SLCO1A2: variants seen among roughly 807,000 people sequenced by gnomAD.
SLCO1A2 encodes OATP-1.
A neutral mutation model predicts 69.0 loss-of-function variants in SLCO1A2; 67 were observed. The observed-to-expected ratio is 0.97, with a 90% CI of 0.80 to 1.19. The LOEUF (loss-of-function observed/expected upper bound fraction) is 1.19, where lower values mean the gene tolerates loss of function less well. Among genes scored for constraint, SLCO1A2 ranks in the 50% most tolerant of loss-of-function variants. The pLI is 0.00. For missense variants in SLCO1A2, 787 were observed against 793.7 expected, an observed-to-expected ratio of 0.99 and a Z score of 0.10; for synonymous variants, 260 against 265.9, an observed-to-expected ratio of 0.98 and a Z score of 0.22.
intron 12 of SLCO1A2, among the ~76,000 whole-genome samples, chr12:21,286,995 C>A (rs11045935): frequency 0.12 from 16,585 of 143,484 alleles, 984 homozygotes; most frequent in Middle Eastern, 0.16. Flanking sequence ...GCAACAAAAG[C>A]CAAAATTGAC....
intron 1 of SLCO1A2, chr12:21,378,199 T>C: frequency 1.3e-6 from 2 of 1,593,162 alleles, no homozygotes; most frequent in Non-Finnish European, 1.7e-6. Context: ...GCTAAAATTC[T>C]AAGGCTCTAA....
In SLCO1A2 at chr12:21,373,581, C is replaced by T. The variant is rs1939960136; in HGVS notation, c.-63+818G>A. The stretch of plus-strand genomic sequence containing the variant: ...CAGCTATTCCATTGTTCCTTGAATT[C>T]TGTGTTCTTTAAAGAATAACACCAG... On this transcript the variant is annotated intron_variant, in intron 2 of 15. Coordinates refer to the SLCO1A2 transcript ENST00000307378. The T allele has an allele frequency of 4.2e-6, 3 of 708,776 alleles. No homozygotes were observed. In the East Asian group the frequency reaches 8.0e-5, roughly 19 times the overall value. The allele number at this position is 708,776 out of a possible 1,614,324, so 43.9% of individuals were successfully genotyped here.
intron 12 of SLCO1A2, among the ~76,000 whole-genome samples, chr12:21,285,045 TC>T (rs1192894999): frequency 4.6e-5 from 6 of 130,574 alleles, no homozygotes; most frequent in Non-Finnish European, 8.0e-5. Context: ...AAAAAACCCT[TC>T]AAAAAATTAA....
intron 1 of SLCO1A2, among the ~76,000 whole-genome samples, chr12:21,413,334 T>C (rs890009196): frequency 7.0e-6 from 1 of 142,302 alleles, no homozygotes; most frequent in Non-Finnish European, 1.5e-5. Flanking sequence ...CACCTCCTCC[T>C]GGGTTCAAGT....
chr12:21,377,888 T>C (rs1244760260), intron 1 of SLCO1A2, among the ~76,000 whole-genome samples: 3 of 152,154 alleles, frequency 2.0e-5, no homozygotes, highest in African/African-American at 7.2e-5. Context: ...TTTTACCTTC[T>C]AAATTCTTTT....
At chr12:21,292,143 A>AT in intron 12 of SLCO1A2, 21 bp downstream of exon 12, 1 of 1,502,904 alleles carries the variant, frequency 6.7e-7, no homozygotes, top group Non-Finnish European at 8.9e-7. Context: ...AAAAATATAA[A>AT]TAAAGAAAAT....
chr12:21,302,849 A>C (rs1486941693), intron 6 of SLCO1A2, among the ~76,000 whole-genome samples: 1 of 151,570 alleles, frequency 6.6e-6, no homozygotes, highest in African/African-American at 2.4e-5. Flanking sequence ...ATACCACCAC[A>C]CTCGGCTAAT....
chr12:21,270,147 T>G (rs12231738), intron 14 of SLCO1A2, among the ~76,000 whole-genome samples: 9,770 of 151,868 alleles, frequency 0.064, 735 homozygotes, highest in East Asian at 0.35. Context: ...ATATATACTC[T>G]TGTGAGAGTT....
chr12:21,340,799 A>G (rs1200511506), intron 2 of SLCO1A2, among the ~76,000 whole-genome samples: 1 of 151,944 alleles, frequency 6.6e-6, no homozygotes, highest in Non-Finnish European at 1.5e-5. Flanking sequence ...GAAAGGTGGT[A>G]TTTACTAAGC....
intron 1 of SLCO1A2, among the ~76,000 whole-genome samples, chr12:21,410,247 T>C (rs192968519): frequency 6.6e-6 from 1 of 152,196 alleles, no homozygotes; most frequent in African/African-American, 2.4e-5. Flanking sequence ...CAATTTTATA[T>C]AGTTTTGCAA....
chr12:21,400,381 A>G (rs373484973), upstream of SLCO1A2, among the ~76,000 whole-genome samples: 268 of 149,642 alleles, frequency 1.8e-3, 1 homozygote, highest in African/African-American at 6.0e-3. Flanking sequence ...GAAGCAACAG[A>G]TGCTGGAGAG....
intron 2 of SLCO1A2, among the ~76,000 whole-genome samples, chr12:21,363,906 T>C (rs1399503576): frequency 6.6e-6 from 1 of 152,042 alleles, no homozygotes; most frequent in Non-Finnish European, 1.5e-5. Flanking sequence ...CAATAATTAA[T>C]AGCCTACCAA....
At chr12:21,334,268 A>G (rs2136958136) in intron 2 of SLCO1A2, among the ~76,000 whole-genome samples, 1 of 152,200 alleles carries the variant, frequency 6.6e-6, no homozygotes, top group Middle Eastern at 3.4e-3. Flanking sequence ...CTGGGTTAGA[A>G]ACCCTGCAAG....
At chr12:21,351,573 C>T (rs1235885354) in intron 2 of SLCO1A2, among the ~76,000 whole-genome samples, 1 of 151,802 alleles carries the variant, frequency 6.6e-6, no homozygotes, top group Non-Finnish European at 1.5e-5. Context: ...GTCAGGAGTT[C>T]GAGACAAGCC....
At chr12:21,372,156 G>A (rs1384586632) in intron 2 of SLCO1A2, among the ~76,000 whole-genome samples, 2 of 152,154 alleles carry the variant, frequency 1.3e-5, no homozygotes, top group Non-Finnish European at 2.9e-5. Context: ...GAGCTAATGG[G>A]AAACAAATCT....
Position 21,344,539 on chromosome 12 carries a change from T to A in SLCO1A2, c.-62-9830A>T, listed in dbSNP as rs565940505. Among the ~76,000 whole-genome samples the A allele has an allele frequency of 2.0e-5, 3 of 152,190 alleles. No homozygotes were observed. The South Asian group carries it at 6.2e-4, about 32-fold the overall frequency. On this transcript the variant is annotated intron_variant, in intron 2 of 15. Coordinates refer to the SLCO1A2 transcript ENST00000307378. ...AGGGGCCTTTTGTTAGTTTTTTAAT[T>A]AAGGAGACTGGCTCACATGTTAGAA...
rs546930462 is a variant in SLCO1A2, at chr12:21,265,862, G to A, written c.*3686C>T. The A allele has an allele frequency of 1.3e-5, 2 of 152,130 alleles. No individual in the cohort carries two copies. Among genetic ancestry groups the A allele is most frequent in the African/African-American group, 4.8e-5 (2 of 41,518 alleles). 9.4% of individuals were successfully genotyped at this position (152,130 alleles called of 1,614,324 possible). On this transcript the variant is annotated 3_prime_UTR_variant, in exon 15 of 15. Transcript: ENST00000683939. ...GGAATTCTCCAGGCCCAGTAAATAA[G>A]AACCATTCTGTCAATTTCTATATTT...
chr12:21,274,865 C>A lies in SLCO1A2; in HGVS notation c.1676-279G>T, dbSNP rs1393580945. 3 of 993,338 alleles carry A rather than the reference C, an allele frequency of 3.0e-6. No homozygotes were observed. In the East Asian group the frequency reaches 1.7e-4, roughly 55 times the overall value. The allele number at this position is 993,338 out of a possible 1,614,324, so 61.5% of individuals were successfully genotyped here. ...TATATATTTTCTTAAATGTTTTGGG[C>A]CAGTTATATGTACATTTTATTTGGG... is the stretch of plus-strand genomic sequence containing the variant. On this transcript the variant is annotated intron_variant, in intron 13 of 14. Coordinates refer to ENST00000683939, the MANE Select transcript of SLCO1A2 (RefSeq NM_001386879.1).
At chr12:21,394,016 AATCTAGC>A (rs1221444919) in intron 1 of SLCO1A2, among the ~76,000 whole-genome samples, 1 of 152,210 alleles carries the variant, frequency 6.6e-6, no homozygotes, top group East Asian at 1.9e-4. Flanking sequence ...ACCTTGTATC[AATCTAGC>A]AATAAGCAGA....
Sources: gnomAD v4.1 joint callset for allele counts (sites outside exome capture counted in the v4.1 genomes callset) on GRCh38, gnomAD v4.1.1 for gene constraint, MANE v1.5 for transcripts, NCBI Gene and HGNC (gene_info 2026-07-23, HGNC 2026-07-21) for gene names.